Variants in ANGPT4 observed in about 807,000 individuals in gnomAD.
ANGPT4 encodes angiopoietin 4, also known as angiopoietin-4.
A neutral mutation model predicts 53.0 loss-of-function variants in ANGPT4; 50 were observed. The ratio of observed to expected loss-of-function variants is 0.94; its 90% CI spans 0.75 to 1.20. The LOEUF is 1.20. Among genes scored for constraint, ANGPT4 ranks in the 50% most tolerant of loss-of-function variants. ANGPT4 has a pLI of 0.00. For synonymous variants in ANGPT4, 251 were observed against 259.7 expected, an observed-to-expected ratio of 0.97 and a Z score of 0.32; for missense variants, 648 against 637.1, an observed-to-expected ratio of 1.02 and a Z score of -0.18.
intron 6 of ANGPT4, among the ~76,000 whole-genome samples, chr20:879,257 G>A (rs1981294331): frequency 6.6e-6 from 1 of 151,934 alleles, no homozygotes; most frequent in South Asian, 2.1e-4. Context: ...AAGTCAGCTT[G>A]GCAAAAAATC....
Position 914,443 on chromosome 20 carries a change from T to C in ANGPT4, c.309+1463A>G, listed in dbSNP as rs1374228926. On this transcript the variant is annotated intron_variant, in intron 1 of 8. Coordinates refer to ENST00000381922, the MANE Select transcript of ANGPT4 (RefSeq NM_015985.4). This position sits in a 1 kb window ranked among gnomAD's most constrained non-coding sequence, Gnocchi z 5.0. ...AGGGAGTAAGGGTTCTTGCTTTTATTCGGATGCATGGTTAGCCCTGGGAGG... is the reference window on the plus strand; with the variant it reads ...AGGGAGTAAGGGTTCTTGCTTTTATCCGGATGCATGGTTAGCCCTGGGAGG... 1.3e-5 allele frequency among the ~76,000 whole-genome samples: 2 copies of C among 151,884 alleles called. No homozygotes were observed. Among genetic ancestry groups the C allele is most frequent in the African/African-American group, 4.8e-5 (2 of 41,312 alleles).
chr20:890,424 C>T lies in ANGPT4; in HGVS notation c.310-56G>A, dbSNP rs1429335113. On this transcript the variant is annotated intron_variant, in intron 1 of 8. Coordinates refer to ENST00000381922, the MANE Select transcript of ANGPT4 (RefSeq NM_015985.4). ...GGAGGGGCGGGGGAAGCCCCCTGTC[C>T]CTCCCACGTGTCACCATGGGAGGGC... The T allele has an allele frequency of 1.3e-5, 20 of 1,529,440 alleles. No individual in the cohort carries two copies. The Admixed American group carries it at 3.6e-4, about 28-fold the overall frequency. 94.7% of individuals were successfully genotyped at this position (1,529,440 alleles called of 1,614,324 possible).
intron 3 of ANGPT4, among the ~76,000 whole-genome samples, chr20:887,401 G>A (rs113860950): frequency 4.6e-5 from 7 of 152,332 alleles, no homozygotes; most frequent in African/African-American, 1.4e-4. Context: ...TGGGCAGATT[G>A]TCATTAATTG....
In ANGPT4 at chr20:874,450, C is replaced by A. The variant is rs780005950; in HGVS notation, c.1221-36G>T. The A allele has an allele frequency of 1.9e-6, 3 of 1,611,160 alleles. 1 individual carries two copies. In the South Asian group the frequency reaches 3.3e-5, roughly 18 times the overall value. ...CCCAGAGGTGGTGGTGGCAGAAGGG[C>A]CCAGAGTCAGGTTGGGGCTGTGTCG... On this transcript the variant is annotated intron_variant, in intron 7 of 8. Transcript: ENST00000381922.
rs267606061 is a variant in ANGPT4 at position 888,374 on chromosome 20, C to T, written c.531G>A (p.Leu177=). The change falls in exon 3 of 9, where the codon CTG becomes CTA. Residue 177 remains leucine, a synonymous_variant. Transcript: ENST00000381922. ...MPETFLSTNK[L]ENQLLLQRQK... ...GCCTCTGTAGCAGCAGCTGGTTCTCCAGCTTGTTGGTGGACAGAAAGGTCT... is the reference window on the plus strand; with the variant it reads ...GCCTCTGTAGCAGCAGCTGGTTCTCTAGCTTGTTGGTGGACAGAAAGGTCT... The T allele has an allele frequency of 1.2e-6, 2 of 1,613,948 alleles. No individual in the cohort carries two copies. Among genetic ancestry groups the T allele is most frequent in the Non-Finnish European group, 1.7e-6 (2 of 1,179,976 alleles).
At chr20:874,508 C>T in intron 7 of ANGPT4, 94 bp from the exon 8 acceptor site, 1 of 1,531,398 alleles carries the variant, frequency 6.5e-7, no homozygotes, top group South Asian at 1.2e-5. Flanking sequence ...TTGTCCCAGG[C>T]TGGGCTTCCC....
intron 3 of ANGPT4, among the ~76,000 whole-genome samples, 162 bp downstream of exon 3, chr20:888,156 C>T (rs1181596293): frequency 1.3e-5 from 2 of 152,190 alleles, no homozygotes; most frequent in Non-Finnish European, 2.9e-5. Context: ...ATCCAAGCTC[C>T]TAGGTCTGGC....
chr20:910,419 T>C (rs6055787), intron 1 of ANGPT4, among the ~76,000 whole-genome samples: 1,626 of 152,278 alleles, frequency 0.011, 34 homozygotes, highest in African/African-American at 0.037. Context: ...TTGATATATG[T>C]GGCTTCCCCG....
At chr20:876,279 G>A (rs561006815) in intron 7 of ANGPT4, among the ~76,000 whole-genome samples, 6 of 152,262 alleles carry the variant, frequency 3.9e-5, no homozygotes, top group Admixed American at 2.0e-4. Context: ...AATTCAGAGG[G>A]AATACAGAGC....
At chr20:890,704 G>T (rs1413357424) in intron 1 of ANGPT4, among the ~76,000 whole-genome samples, 1 of 152,094 alleles carries the variant, frequency 6.6e-6, no homozygotes, top group Non-Finnish European at 1.5e-5. Flanking sequence ...CCTATCTCAC[G>T]CAGAGGAAAA....
chr20:886,543 G>A (rs73582833), intron 3 of ANGPT4, among the ~76,000 whole-genome samples: 3 of 152,140 alleles, frequency 2.0e-5, no homozygotes, highest in Admixed American at 6.5e-5. Flanking sequence ...TAAAGCCATC[G>A]TAAGTTGAAA....
At chr20:913,956 A>G (rs540603620) in intron 1 of ANGPT4, among the ~76,000 whole-genome samples, 1 of 152,300 alleles carries the variant, frequency 6.6e-6, no homozygotes, top group South Asian at 2.1e-4. Flanking sequence ...TGAGACACCC[A>G]TGGACCCTCA....
At chr20:886,963 C>G (rs558923117) in intron 3 of ANGPT4, among the ~76,000 whole-genome samples, 1 of 152,260 alleles carries the variant, frequency 6.6e-6, no homozygotes, top group South Asian at 2.1e-4. Context: ...ACTTCTGTAT[C>G]CACAGTGTCT....
In ANGPT4 at chr20:908,743, G is replaced by C. The variant is rs572044666; in HGVS notation, c.309+7163C>G. ...TGAATATTCTTACCTGACAAACTAA[G>C]TTCAGAGTTGTGTATACACATTTGT... On this transcript the variant is annotated intron_variant, in intron 1 of 8. Coordinates refer to ENST00000381922, the MANE Select transcript of ANGPT4 (RefSeq NM_015985.4). The surrounding 1 kb of genome is among the most constrained non-coding windows in gnomAD (Gnocchi z 4.9). Among the ~76,000 whole-genome samples the C allele has an allele frequency of 6.9e-6, 1 of 145,950 alleles. No individual in the cohort carries two copies. Among genetic ancestry groups the C allele is most frequent in the African/African-American group, 2.5e-5 (1 of 40,306 alleles).
At chr20:902,411 T>C (rs73892526) in intron 1 of ANGPT4, among the ~76,000 whole-genome samples, 7,204 of 152,202 alleles carry the variant, frequency 0.047, 535 homozygotes, top group African/African-American at 0.16. Context: ...AGTGAGTATA[T>C]GCCACAGGCT....
intron 1 of ANGPT4, among the ~76,000 whole-genome samples, chr20:913,052 C>T (rs905878051): frequency 5.9e-5 from 9 of 152,018 alleles, no homozygotes; most frequent in Admixed American, 2.6e-4. Flanking sequence ...CTGGGATTCG[C>T]GACAGGAAGG....
rs1467842278 is a variant in ANGPT4 at position 911,890 on chromosome 20, G to A, written c.309+4016C>T. 6.6e-6 allele frequency among the ~76,000 whole-genome samples: 1 copy of A among 152,026 alleles called. No individual in the cohort carries two copies. The highest frequency in any genetic ancestry group is 1.5e-5 in the Non-Finnish European group (1 of 67,966). On this transcript the variant is annotated intron_variant, in intron 1 of 8. Coordinates refer to ENST00000381922, the MANE Select transcript of ANGPT4 (RefSeq NM_015985.4). This position sits in a 1 kb window ranked among gnomAD's most constrained non-coding sequence, Gnocchi z 4.9. The stretch of plus-strand genomic sequence containing the variant: ...ACAGAGAGAGGGAGAAAGAGACAGA[G>A]ACAGACAGAGATAGACAGGGAGATA...
At chr20:882,714 A>C (rs539289681) in intron 4 of ANGPT4, among the ~76,000 whole-genome samples, 1 of 152,328 alleles carries the variant, frequency 6.6e-6, no homozygotes, top group Non-Finnish European at 1.5e-5. Flanking sequence ...TAAGGCAAGG[A>C]CAGAGCCAGG....
rs1433052559 is a variant in ANGPT4, at chr20:908,510, A to G, written c.309+7396T>C. ...CAGGCACCCATTATCCACCCCTAGC[A>G]TCTCTCGGTCCCTCCTTCATGGCAC... On this transcript the variant is annotated intron_variant, in intron 1 of 8. Transcript: ENST00000381922. The surrounding 1 kb of genome is among the most constrained non-coding windows in gnomAD (Gnocchi z 4.9). Among the ~76,000 whole-genome samples the G allele has an allele frequency of 1.3e-5, 2 of 151,714 alleles. No individual in the cohort carries two copies. The highest frequency in any genetic ancestry group is 4.9e-5 in the African/African-American group (2 of 41,228).
Sources: allele counts gnomAD v4.1 joint callset (sites outside exome capture counted in the v4.1 genomes callset), GRCh38; gene constraint gnomAD v4.1.1; non-coding constraint Gnocchi (gnomAD v3.1); transcripts MANE v1.5; gene names NCBI Gene and HGNC (gene_info 2026-07-23, HGNC 2026-07-21).